FCN1: variants seen among roughly 807,000 people sequenced by gnomAD.
FCN1 encodes ficolin-1.
A neutral mutation model predicts 35.6 loss-of-function variants in FCN1; 42 were observed. The observed-to-expected ratio is 1.18, with a 90% CI of 0.92 to 1.53. FCN1 has a LOEUF of 1.53. FCN1 is among the 40% of genes most tolerant of loss of function. The pLI, the probability that FCN1 is intolerant of heterozygous loss-of-function variation, is 0.00. For synonymous variants in FCN1, 179 were observed against 169.8 expected (o/e 1.05, Z -0.42); for missense variants, 439 against 428.4 (o/e 1.02, Z -0.22).
In FCN1 at chr9:134,905,921, T is replaced by TCCTTCTCCTTCTCCTTCTCCCTCTCCC; in HGVS notation, c.*3876_*3877insGGGAGAGGGAGAAGGAGAAGGAGAAGG. 1 of 69,006 alleles carries TCCTTCTCCTTCTCCTTCTCCCTCTCCC rather than the reference T, an allele frequency of 1.4e-5. No homozygotes were observed. The highest frequency in any genetic ancestry group is 2.5e-5 in the Non-Finnish European group (1 of 40,132). 4.3% of individuals were successfully genotyped at this position (69,006 alleles called of 1,614,324 possible). ...CTTCTTCTTCTTCTTCTTCTTCTTC[T>TCCTTCTCCTTCTCCTTCTCCCTCTCCC]TCTCCCTCTCCCTCTCCCTCTCCCT... On this transcript the variant is annotated 3_prime_UTR_variant, in exon 9 of 9. Coordinates refer to ENST00000371806, the MANE Select transcript of FCN1 (RefSeq NM_002003.5).
intron 5 of FCN1, 76 bp downstream of exon 5, chr9:134,913,505 G>A (rs1043397045): frequency 1.7e-5 from 20 of 1,193,462 alleles, no homozygotes; most frequent in Admixed American, 4.2e-5. Context: ...CTTAGATTCC[G>A]TAGCGTGAAC....
rs1383025678 is a variant in FCN1 at position 134,909,049 on chromosome 9, C to T, written c.*749G>A. 3 of 408,600 alleles carry T rather than the reference C, an allele frequency of 7.3e-6. No individual in the cohort carries two copies. Among genetic ancestry groups the T allele is most frequent in the Non-Finnish European group, 1.3e-5 (3 of 229,456 alleles). The allele number at this position is 408,600 out of a possible 1,614,324, so 25.3% of individuals were successfully genotyped here. A position where few individuals can be genotyped will look rare whatever the true frequency, so the allele number is the denominator to read the frequency against. On this transcript the variant is annotated 3_prime_UTR_variant, in exon 9 of 9. Transcript: ENST00000371806. ...GGAGCTGGAGAAGCCCCTTCTCCAT[C>T]ATCTCCTAGAAGCCTTGTGCAGCTT... is the stretch of plus-strand genomic sequence containing the variant.
At chr9:134,912,974 G>C (rs1299186428) in intron 6 of FCN1, 42 bp downstream of exon 6, 1 of 1,592,888 alleles carries the variant, frequency 6.3e-7, no homozygotes, top group Middle Eastern at 1.8e-4. Context: ...CCTGGCCTCC[G>C]GGACTCCCAG....
At position 134,905,810 on chromosome 9, in the gene FCN1, C is replaced by CTCTTCTTCTTCTTCT. The variant is rs1186494371; in HGVS notation, c.*3973_*3987dup. 1.9e-5 allele frequency: 1 copy of CTCTTCTTCTTCTTCT among 53,848 alleles called. No homozygotes were observed. Among genetic ancestry groups the CTCTTCTTCTTCTTCT allele is most frequent in the African/African-American group, 1.8e-4 (1 of 5,466 alleles). The allele number at this position is 53,848 out of a possible 1,614,324, so 3.3% of individuals were successfully genotyped here. ...CTGCTGCTGCTTCTTCTTCTTCTTC[C>CTCTTCTTCTTCTTCT]TCTTCTTCTTCTTCTTCCTCTTCCT... On this transcript the variant is annotated 3_prime_UTR_variant, in exon 9 of 9. Transcript: ENST00000371806.
chr9:134,912,250 C>T lies in FCN1; in HGVS notation c.598+236G>A, dbSNP rs116277934. Among the ~76,000 whole-genome samples the T allele has an allele frequency of 7.5e-3, 1,141 of 152,302 alleles. 10 individuals are homozygous for T. Among genetic ancestry groups the T allele is most frequent in the African/African-American group, 0.026 (1,082 of 41,568 alleles). On this transcript the variant is annotated intron_variant, in intron 7 of 8. Transcript: ENST00000371806. ...CTTCCCACTCTCAGGATCTAAGATG[C>T]CAGTAGGACCAAGACCTGAAGAGGC... is the stretch of plus-strand genomic sequence containing the variant.
Position 134,906,051 on chromosome 9 carries a change from G to A in FCN1, c.*3747C>T, listed in dbSNP as rs2118927906. On this transcript the variant is annotated 3_prime_UTR_variant, in exon 9 of 9. Coordinates refer to ENST00000371806, the MANE Select transcript of FCN1 (RefSeq NM_002003.5). ...CTGTTCCCCAGGCTGGAGTGCAGTG[G>A]CACGATCTCAGCTCACTGCAACCTC... 6.6e-6 allele frequency: 1 copy of A among 152,582 alleles called. No individual in the cohort carries two copies. Among genetic ancestry groups the A allele is most frequent in the Non-Finnish European group, 1.4e-5 (1 of 70,374 alleles). The allele number at this position is 152,582 out of a possible 1,614,324, so 9.5% of individuals were successfully genotyped here. A position where few individuals can be genotyped will look rare whatever the true frequency, so the allele number is the denominator to read the frequency against.
In FCN1 at chr9:134,904,483, CA is replaced by C. The variant is rs1830917819; in HGVS notation, c.*5314del. ...GAATTCATCCTCAGCAGACTTTCATCAAAAAATATATGAGGCTGGGCACGGT... is the reference window on the plus strand; with the variant it reads ...GAATTCATCCTCAGCAGACTTTCATCAAAAATATATGAGGCTGGGCACGGT... On this transcript the variant is annotated 3_prime_UTR_variant, in exon 9 of 9. Coordinates refer to ENST00000371806, the MANE Select transcript of FCN1 (RefSeq NM_002003.5). 6.6e-6 allele frequency among the ~76,000 whole-genome samples: 1 copy of C among 152,034 alleles called. No homozygotes were observed. The highest frequency in any genetic ancestry group is 2.1e-4 in the South Asian group (1 of 4,818).
chr9:134,916,394 G>A lies in FCN1; in HGVS notation c.171C>T (p.Pro57=), dbSNP rs528923304. ...LTILRGCPGL[P]GAPGPKGEAG... is the part of the protein sequence containing the mutation. Reference sequence around the variant, plus strand: ...CCTCTCCCTTTGGCCCTGGGGCCCCGGGCAGCCCCGGGCAGCCTCGGAGAA... The same window carrying A: ...CCTCTCCCTTTGGCCCTGGGGCCCCAGGCAGCCCCGGGCAGCCTCGGAGAA... The change falls in exon 2 of 9, where the codon CCC becomes CCT. Residue 57 remains proline, a synonymous_variant. Coordinates refer to ENST00000371806, the MANE Select transcript of FCN1 (RefSeq NM_002003.5). The A allele has an allele frequency of 2.7e-5, 43 of 1,614,058 alleles. No homozygotes were observed. The South Asian group carries it at 2.7e-4, about 10-fold the overall frequency.
chr9:134,904,894 A>G lies in FCN1; in HGVS notation c.*4904T>C, dbSNP rs1039023825. On this transcript the variant is annotated 3_prime_UTR_variant, in exon 9 of 9. Coordinates refer to ENST00000371806, the MANE Select transcript of FCN1 (RefSeq NM_002003.5). ...TAGAAGAAGGAATAAAGGGCAACAT[A>G]AAGTGTAAAAATGTGGTAAAAATGA... is the stretch of plus-strand genomic sequence containing the variant. Among the ~76,000 whole-genome samples the G allele has an allele frequency of 6.6e-6, 1 of 152,318 alleles. No homozygotes were observed. Among genetic ancestry groups the G allele is most frequent in the Middle Eastern group, 3.4e-3 (1 of 294 alleles).
Position 134,916,383 on chromosome 9 carries a change from C to A in FCN1, c.182G>T (p.Gly61Val), listed in dbSNP as rs779669688. 1.9e-6 allele frequency: 3 copies of A among 1,614,080 alleles called. No individual in the cohort carries two copies. Among genetic ancestry groups the A allele is most frequent in the Admixed American group, 3.3e-5 (2 of 60,010 alleles). ...RGCPGLPGAP[G>V]PKGEAGVIGE... is the part of the protein sequence containing the mutation. ...AATGACACCTGCCTCTCCCTTTGGCCCTGGGGCCCCGGGCAGCCCCGGGCA... is the reference window on the plus strand; with the variant it reads ...AATGACACCTGCCTCTCCCTTTGGCACTGGGGCCCCGGGCAGCCCCGGGCA... Residue 61 changes from glycine to valine, a missense_variant, in exon 2 of 9, where the codon GGG (glycine) becomes GTG (valine). By Grantham distance (109) the Gly-to-Val change is moderately radical (BLOSUM62 -3). Transcript: ENST00000371806.
In FCN1 at chr9:134,904,465, T is replaced by C. The variant is rs2118923958; in HGVS notation, c.*5333A>G. 6.6e-6 allele frequency among the ~76,000 whole-genome samples: 1 copy of C among 152,250 alleles called. No individual in the cohort carries two copies. The highest frequency in any genetic ancestry group is 1.5e-5 in the Non-Finnish European group (1 of 68,008). Reference sequence around the variant, plus strand: ...AGATAATAAAAGTGGACAGAATTCATCCTCAGCAGACTTTCATCAAAAAAT... The same window carrying C: ...AGATAATAAAAGTGGACAGAATTCACCCTCAGCAGACTTTCATCAAAAAAT... On this transcript the variant is annotated 3_prime_UTR_variant, in exon 9 of 9. Transcript: ENST00000371806.
chr9:134,910,153 A>G lies in FCN1; in HGVS notation c.734-108T>C, dbSNP rs1831005226. The G allele has an allele frequency of 5.7e-6, 6 of 1,058,000 alleles. No homozygotes were observed. The Admixed American group carries it at 7.1e-5, about 12-fold the overall frequency. The allele number at this position is 1,058,000 out of a possible 1,614,324, so 65.5% of individuals were successfully genotyped here. A position where few individuals can be genotyped will look rare whatever the true frequency, so the allele number is the denominator to read the frequency against. ...AGAGCCAACCTCACTTTAGCGACGC[A>G]TGAGCCGAGCTACAGGTGCACAAAT... is the stretch of plus-strand genomic sequence containing the variant. On this transcript the variant is annotated intron_variant, in intron 8 of 8. Transcript: ENST00000371806.
At position 134,904,003 on chromosome 9, in the gene FCN1, A is replaced by G. The variant is rs1338369448; in HGVS notation, c.*5795T>C. The stretch of plus-strand genomic sequence containing the variant: ...AAAGGAAAAAAGAATACAAATCCAG[A>G]AACTAGAACAAGAGACATATGAGAC... On this transcript the variant is annotated 3_prime_UTR_variant, in exon 9 of 9. Transcript: ENST00000371806. Among the ~76,000 whole-genome samples the G allele has an allele frequency of 6.6e-6, 1 of 152,264 alleles. No homozygotes were observed. The highest frequency in any genetic ancestry group is 2.4e-5 in the African/African-American group (1 of 41,472).
chr9:134,912,895 A>G, intron 6 of FCN1, 121 bp downstream of exon 6: 3 of 1,469,468 alleles, frequency 2.0e-6, no homozygotes, highest in South Asian at 1.3e-5. Context: ...CACTTCCCCC[A>G]TCATCTATGA....
In FCN1 at chr9:134,904,774, T is replaced by C. The variant is rs1291117591; in HGVS notation, c.*5024A>G. 2.6e-5 allele frequency among the ~76,000 whole-genome samples: 4 copies of C among 151,976 alleles called. No homozygotes were observed. Among genetic ancestry groups the C allele is most frequent in the African/African-American group, 7.3e-5 (3 of 41,366 alleles). On this transcript the variant is annotated 3_prime_UTR_variant, in exon 9 of 9. Transcript: ENST00000371806. ...CAGCCTGGGGGACAGAGTGAGACCC[T>C]GTTTCAAAAAATAAAAATAAAAAAT...
In FCN1 at chr9:134,903,552, A is replaced by G. The variant is rs1830909536; in HGVS notation, c.*6246T>C. 6.6e-6 allele frequency among the ~76,000 whole-genome samples: 1 copy of G among 152,164 alleles called. No homozygotes were observed. Among genetic ancestry groups the G allele is most frequent in the Non-Finnish European group, 1.5e-5 (1 of 68,006 alleles). ...AAAAGTCACAGAGGAAACTCTTAGA[A>G]CTGAACTAAAATAGGTGAATTTTAC... On this transcript the variant is annotated 3_prime_UTR_variant, in exon 9 of 9. Coordinates refer to ENST00000371806, the MANE Select transcript of FCN1 (RefSeq NM_002003.5).
intron 7 of FCN1, 68 bp downstream of exon 7, chr9:134,912,418 T>A (rs1447783662): frequency 6.6e-7 from 1 of 1,506,104 alleles, no homozygotes; most frequent in Non-Finnish European, 9.0e-7. Context: ...ATGTTGCAGA[T>A]GGCCCAGGCC....
rs140918622 is a variant in FCN1, at chr9:134,916,403, C to T, written c.162G>A (p.Pro54=). 366 of 1,614,226 alleles carry T rather than the reference C, an allele frequency of 2.3e-4. 1 individual carries two copies. The African/African-American group carries it at 3.5e-3, about 15-fold the overall frequency. ...SDKLTILRGC[P]GLPGAPGPKG... The stretch of plus-strand genomic sequence containing the variant: ...TTGGCCCTGGGGCCCCGGGCAGCCC[C>T]GGGCAGCCTCGGAGAATGGTGAGCT... Residue 54 remains proline (P), a synonymous_variant, in exon 2 of 9, where the codon CCG becomes CCA. Transcript: ENST00000371806.
In FCN1 at chr9:134,913,084, T is replaced by C; in HGVS notation, c.400A>G (p.Ile134Val). 6.2e-7 allele frequency: 1 copy of C among 1,613,650 alleles called. No homozygotes were observed. Among genetic ancestry groups the C allele is most frequent in the South Asian group, 1.1e-5 (1 of 91,000 alleles). ...RGYFLSGWHT[I>V]YLPDCRPLTV... ...AGGGGCCGGCAGTCGGGCAGGTAGA[T>C]GGTGTGCCAGCCGCTCAGGAAATAC... The change falls in exon 6 of 9, where the codon ATC becomes GTC. Residue 134 changes from isoleucine to valine, a missense_variant. Transcript: ENST00000371806.
Sources: gnomAD v4.1 joint callset for allele counts (sites outside exome capture counted in the v4.1 genomes callset) on GRCh38, gnomAD v4.1.1 for gene constraint, MANE v1.5 for transcripts, NCBI Gene and HGNC (gene_info 2026-07-23, HGNC 2026-07-21) for gene names.